Variants in SORBS3 observed in about 807,000 individuals in gnomAD.
SORBS3 encodes the protein vinexin.
A neutral mutation model predicts 98.0 loss-of-function variants in SORBS3; 69 were observed. The ratio of observed to expected loss-of-function variants is 0.70; its 90% CI spans 0.58 to 0.86. SORBS3 has a LOEUF of 0.86. SORBS3 is among the 40% of genes least tolerant of loss of function. SORBS3 has a pLI of 0.00. For synonymous variants in SORBS3, 394 were observed against 355.4 expected (o/e 1.11, Z -1.22); for missense variants, 954 against 908.5 (o/e 1.05, Z -0.64).
intron 20 of SORBS3, chr8:22,573,303 T>C (rs1260965529): frequency 2.2e-6 from 1 of 453,258 alleles, no homozygotes. Context: ...TGCTTTGGAA[T>C]TTTTTTACAA....
At position 22,573,440 on chromosome 8, in the gene SORBS3, G is replaced by A. The variant is rs577602700; in HGVS notation, c.1954+994G>A. 37 of 454,184 alleles carry A rather than the reference G, an allele frequency of 8.1e-5. No homozygotes were observed. In the East Asian group the frequency reaches 9.7e-4, roughly 12 times the overall value. 28.1% of individuals were successfully genotyped at this position (454,184 alleles called of 1,614,324 possible). ...CCTTTCCGGTATGGCAGCCACCGGC[G>A]GCATTCAGCTGTTGAAATGTAGCTC... On this transcript the variant is annotated intron_variant, in intron 20 of 20. Coordinates refer to ENST00000240123, the MANE Select transcript of SORBS3 (RefSeq NM_005775.5).
intron 5 of SORBS3, 80 bp downstream of exon 5, chr8:22,558,272 G>A (rs936663062): frequency 5.9e-6 from 8 of 1,346,914 alleles, no homozygotes; most frequent in Admixed American, 1.7e-5. Flanking sequence ...GAAAGAAAAG[G>A]GGACTTAGCT....
intron 1 of SORBS3, among the ~76,000 whole-genome samples, chr8:22,553,231 C>T (rs542921295): frequency 6.6e-6 from 1 of 152,274 alleles, no homozygotes; most frequent in African/African-American, 2.4e-5. Context: ...CCGGTGGTCC[C>T]CCCAGAAGTC....
Position 22,567,046 on chromosome 8 carries a change from C to T in SORBS3, c.1191-15C>T, listed in dbSNP as rs776124058. 1.2e-6 allele frequency: 2 copies of T among 1,603,034 alleles called. No homozygotes were observed. Among genetic ancestry groups the T allele is most frequent in the South Asian group, 2.2e-5 (2 of 90,622 alleles). On this transcript the variant is annotated splice_polypyrimidine_tract_variant and intron_variant, in intron 15 of 20. Coordinates refer to ENST00000240123, the MANE Select transcript of SORBS3 (RefSeq NM_005775.5). ...AGGCTTCAGCTTACCCTGCGGTCCT[C>T]GTCCCCACCTGCAGGGAGCTGACTC...
At chr8:22,561,470 C>T (rs1265162930) in intron 6 of SORBS3, 97 bp downstream of exon 6, 1 of 1,338,948 alleles carries the variant, frequency 7.5e-7, no homozygotes, top group African/African-American at 1.4e-5. Context: ...CTTTGGGGCT[C>T]TCCAGTTGGC....
chr8:22,561,061 G>A (rs781376653), intron 5 of SORBS3: 9 of 411,052 alleles, frequency 2.2e-5, no homozygotes, highest in East Asian at 1.1e-4. Flanking sequence ...GTCAGGAGAG[G>A]GTGTGTGTGG....
intron 17 of SORBS3, among the ~76,000 whole-genome samples, chr8:22,569,938 A>G (rs1428436999): frequency 1.3e-5 from 2 of 152,204 alleles, no homozygotes; most frequent in African/African-American, 4.8e-5. Flanking sequence ...CAGCATTTTT[A>G]AAGGTATAGA....
rs555782197 is a variant in SORBS3 at position 22,566,560 on chromosome 8, G to A, written c.1090+76G>A. 7 of 1,585,386 alleles carry A rather than the reference G, an allele frequency of 4.4e-6. No individual in the cohort carries two copies. The East Asian group carries it at 1.6e-4, about 36-fold the overall frequency. ...CATGTTGGTGCCCCAGGGGTGGCAG[G>A]TCACAGAGCCCCTTGCTTCTGCCAG... On this transcript the variant is annotated intron_variant, in intron 13 of 20. Transcript: ENST00000240123.
At position 22,575,216 on chromosome 8, in the gene SORBS3, T is replaced by C. The variant is rs188370599; in HGVS notation, c.*488T>C. On this transcript the variant is annotated 3_prime_UTR_variant, in exon 21 of 21. Coordinates refer to ENST00000240123, the MANE Select transcript of SORBS3 (RefSeq NM_005775.5). ...CCCTCTTTGCCTTCTGGCCTCCAGC[T>C]GGGTGTGGGGGGGCGGAGCAAGGCG... is the stretch of plus-strand genomic sequence containing the variant. The C allele has an allele frequency of 1.3e-4, 43 of 321,918 alleles. No homozygotes were observed. In the East Asian group the frequency reaches 3.1e-3, roughly 23 times the overall value. The allele number at this position is 321,918 out of a possible 1,614,324, so 19.9% of individuals were successfully genotyped here. A position where few individuals can be genotyped will look rare whatever the true frequency, so the allele number is the denominator to read the frequency against.
rs201952170 is a variant in SORBS3 at position 22,564,321 on chromosome 8, G to A, written c.714G>A (p.Thr238=). The A allele has an allele frequency of 1.2e-5, 20 of 1,613,276 alleles. No homozygotes were observed. The highest frequency in any genetic ancestry group is 2.2e-5 in the East Asian group (1 of 44,846). ...GGGAAAAAGTAGACAATGTCTGGAC[G>A]GAAGAGTCCTGGAACCAGTTTCTGC... ...RRREKVDNVW[T]EESWNQFLQE... Residue 238 remains threonine (T), a synonymous_variant, in exon 9 of 21, where the codon ACG becomes ACA. Coordinates refer to ENST00000240123, the MANE Select transcript of SORBS3 (RefSeq NM_005775.5).
upstream of SORBS3, among the ~76,000 whole-genome samples, chr8:22,549,268 G>C (rs535273430): frequency 6.5e-4 from 99 of 152,318 alleles, no homozygotes; most frequent in African/African-American, 2.2e-3. Flanking sequence ...GAGTGCAGTG[G>C]GATTTGGAAA....
Position 22,563,918 on chromosome 8 carries a change from G to A in SORBS3, c.585-69G>A, listed in dbSNP as rs186292759. 2,778 of 1,175,890 alleles carry A rather than the reference G, an allele frequency of 2.4e-3. 8 individuals are homozygous for A. Among genetic ancestry groups the A allele is most frequent in the Non-Finnish European group, 3.0e-3 (2,333 of 785,150 alleles). The allele number at this position is 1,175,890 out of a possible 1,614,324, so 72.8% of individuals were successfully genotyped here. On this transcript the variant is annotated intron_variant, in intron 7 of 20. Coordinates refer to ENST00000240123, the MANE Select transcript of SORBS3 (RefSeq NM_005775.5). ...AGCAGGGACAAGGGCAGGGTGAGAGGGCTGTGTGCTGGCTTCTGCCTCAGT... is the reference window on the plus strand; with the variant it reads ...AGCAGGGACAAGGGCAGGGTGAGAGAGCTGTGTGCTGGCTTCTGCCTCAGT...
At chr8:22,549,358 C>G (rs1395238896), upstream of SORBS3, among the ~76,000 whole-genome samples, 1 of 152,200 alleles carries the variant, frequency 6.6e-6, no homozygotes, top group Non-Finnish European at 1.5e-5. Flanking sequence ...TCAGCCTCTC[C>G]CTAACCGTGC....
Position 22,566,480 on chromosome 8 carries a change from C to A in SORBS3, c.1086C>A (p.Thr362=). The A allele has an allele frequency of 1.2e-6, 2 of 1,613,560 alleles. No individual in the cohort carries two copies. Among genetic ancestry groups the A allele is most frequent in the Non-Finnish European group, 1.7e-6 (2 of 1,179,720 alleles). ...GGGACTTTGTCTACCCTTCCTCAAC[C>A]CGAGGTAAGGACCCAGCCCTGCTCT... The part of the protein sequence containing the change: ...GRRDFVYPSS[T]RDPSASNGGG... The change falls in exon 13 of 21, where the codon ACC becomes ACA. Residue 362 remains threonine (T), a synonymous_variant. Coordinates refer to ENST00000240123, the MANE Select transcript of SORBS3 (RefSeq NM_005775.5).
chr8:22,556,455 C>T (rs1840184059), intron 3 of SORBS3, among the ~76,000 whole-genome samples: 1 of 152,172 alleles, frequency 6.6e-6, no homozygotes, highest in Admixed American at 6.5e-5. Context: ...GATTTCCAGA[C>T]CTTATTCTGA....
chr8:22,558,258 CAG>C (rs1840225846), intron 5 of SORBS3, 66 bp downstream of exon 5: 1 of 1,493,702 alleles, frequency 6.7e-7, no homozygotes, highest in East Asian at 2.3e-5. Context: ...CTTGGAGAGA[CAG>C]GGAAAGAAAA....
At chr8:22,552,730 C>T (rs1001605538) in intron 1 of SORBS3, among the ~76,000 whole-genome samples, 1 of 152,196 alleles carries the variant, frequency 6.6e-6, no homozygotes, top group Non-Finnish European at 1.5e-5. Context: ...CAATTTGGCC[C>T]GAAGCAGTCA....
chr8:22,559,332 A>G (rs1274087437), intron 5 of SORBS3, among the ~76,000 whole-genome samples: 2 of 152,134 alleles, frequency 1.3e-5, no homozygotes, highest in African/African-American at 2.4e-5. Flanking sequence ...TGGAAGAGAG[A>G]GTCAAGGATG....
At chr8:22,553,188 A>G (rs558931365) in intron 1 of SORBS3, among the ~76,000 whole-genome samples, 130 of 151,436 alleles carry the variant, frequency 8.6e-4, no homozygotes, top group Non-Finnish European at 1.7e-3. Flanking sequence ...ACCCCTCTGT[A>G]CCCACAACCC....
Sources: gnomAD v4.1 joint callset for allele counts (sites outside exome capture counted in the v4.1 genomes callset) on GRCh38, gnomAD v4.1.1 for gene constraint, MANE v1.5 for transcripts, NCBI Gene and HGNC (gene_info 2026-07-23, HGNC 2026-07-21) for gene names.